Variants in RYR2 observed in about 807,000 individuals in gnomAD.
RYR2 encodes cardiac muscle ryanodine receptor-calcium release channel.
Under a neutral mutation model 601.1 loss-of-function variants are expected in RYR2, and 227 were observed. The ratio of observed to expected loss-of-function variants is 0.38; its 90% CI spans 0.34 to 0.42. The LOEUF (loss-of-function observed/expected upper bound fraction) is 0.42. Ranked by LOEUF, RYR2 falls within the 10% of genes least tolerant of loss-of-function variation. RYR2 has a pLI of 1.00. For synonymous variants in RYR2, 2,223 were observed against 2,175.1 expected (o/e 1.02, Z -0.61); for missense variants, 4,646 against 6,156.5 (o/e 0.75, Z 8.21).
At position 237,252,907 on chromosome 1, in the gene RYR2, G is replaced by A. The variant is rs1240664891; in HGVS notation, c.49-17590G>A. ...TGGTTGGGCACAGTGGCTCATGCCT[G>A]TAATCCTAGCACTTTGGGAGGCCAA... On this transcript the variant is annotated intron_variant, in intron 1 of 104. Transcript: ENST00000366574. 2.0e-5 allele frequency among the ~76,000 whole-genome samples: 3 copies of A among 152,254 alleles called. No homozygotes were observed. The South Asian group carries it at 6.2e-4, about 32-fold the overall frequency.
chr1:237,592,802 C>A (rs1312397747), intron 32 of RYR2, among the ~76,000 whole-genome samples: 1 of 151,680 alleles, frequency 6.6e-6, no homozygotes, highest in East Asian at 1.9e-4. Context: ...AGGTGGATCA[C>A]CTGAGGTCAG....
At chr1:237,591,877 T>C (rs1199069949) in intron 32 of RYR2, 24 bp downstream of exon 32, 5 of 1,548,508 alleles carry the variant, frequency 3.2e-6, no homozygotes, top group Non-Finnish European at 3.5e-6. Flanking sequence ...GCTTTTGTCG[T>C]TTATTTCTAT....
At chr1:237,181,501 C>A (rs1678752677) in intron 1 of RYR2, among the ~76,000 whole-genome samples, 1 of 152,078 alleles carries the variant, frequency 6.6e-6, no homozygotes, top group Non-Finnish European at 1.5e-5. Context: ...AAGAGACAGA[C>A]CAGCAGATGT....
intron 58 of RYR2, among the ~76,000 whole-genome samples, chr1:237,669,632 G>A (rs1409618491): frequency 1.3e-5 from 2 of 151,840 alleles, no homozygotes; most frequent in African/African-American, 2.4e-5. Flanking sequence ...GGGCAGAGAC[G>A]CTCCTCACAT....
At chr1:237,797,983 G>A in intron 96 of RYR2, 54 bp from the exon 97 acceptor site, 1 of 1,497,484 alleles carries the variant, frequency 6.7e-7, no homozygotes, top group Non-Finnish European at 9.1e-7. Flanking sequence ...CACACATATA[G>A]ATGATGTTAC....
At chr1:237,631,612 GATTTTTTTTTTTT>G in intron 42 of RYR2, 71 bp downstream of exon 42, 4 of 198,916 alleles carry the variant, frequency 2.0e-5, no homozygotes, top group African/African-American at 6.5e-5. Context: ...ATAGAATGCA[GATTTTTTTTTTTT>G]TTTTTTTTTT....
At chr1:237,201,770 T>C (rs1681219623) in intron 1 of RYR2, among the ~76,000 whole-genome samples, 1 of 152,202 alleles carries the variant, frequency 6.6e-6, no homozygotes, top group African/African-American at 2.4e-5. Context: ...ACTCTGGCAT[T>C]GGACTCTTGT....
intron 59 of RYR2, 51 bp downstream of exon 59, chr1:237,674,270 T>C (rs1685205296): frequency 7.2e-7 from 1 of 1,387,260 alleles, no homozygotes; most frequent in Non-Finnish European, 1.0e-6. Context: ...GAGTGAATAT[T>C]TAAATATCTC....
At chr1:237,459,057 T>C (rs1659170783) in intron 16 of RYR2, among the ~76,000 whole-genome samples, 1 of 152,212 alleles carries the variant, frequency 6.6e-6, no homozygotes, top group African/African-American at 2.4e-5. Context: ...ACAGTAACGA[T>C]TGAGATAAAG....
intron 2 of RYR2, among the ~76,000 whole-genome samples, chr1:237,295,074 G>A (rs1692620108): frequency 6.6e-6 from 1 of 151,988 alleles, no homozygotes; most frequent in Non-Finnish European, 1.5e-5. Flanking sequence ...AAATTAGCCG[G>A]GCGTGGCAGT....
chr1:237,528,574 T>A lies in RYR2; in HGVS notation c.2823-1853T>A, dbSNP rs376628435. Among the ~76,000 whole-genome samples, 24 of 152,316 alleles carry A rather than the reference T, an allele frequency of 1.6e-4. No individual in the cohort carries two copies. The East Asian group carries it at 3.1e-3, about 20-fold the overall frequency. On this transcript the variant is annotated intron_variant, in intron 24 of 104. Transcript: ENST00000366574. ...TCCGTGTGAGTTGAATTCATACTTTTCTAGGTAGTTTGCATTGGGAAGAAG... is the reference window on the plus strand; with the variant it reads ...TCCGTGTGAGTTGAATTCATACTTTACTAGGTAGTTTGCATTGGGAAGAAG...
intron 100 of RYR2, 65 bp from the exon 101 acceptor site, chr1:237,818,971 G>A: frequency 4.9e-6 from 7 of 1,436,010 alleles, no homozygotes; most frequent in Non-Finnish European, 6.7e-6. Flanking sequence ...GAGATAACTC[G>A]GGTTTGTCGA....
chr1:237,527,866 A>G (rs1302537942), intron 24 of RYR2, among the ~76,000 whole-genome samples: 1 of 152,250 alleles, frequency 6.6e-6, no homozygotes, highest in African/African-American at 2.4e-5. Flanking sequence ...TAAACAATGT[A>G]TAAGTTTTAG....
intron 2 of RYR2, among the ~76,000 whole-genome samples, chr1:237,295,756 G>C (rs779851670): frequency 6.6e-6 from 1 of 152,110 alleles, no homozygotes; most frequent in Non-Finnish European, 1.5e-5. Flanking sequence ...AAAAAATATT[G>C]CCATAAAATT....
chr1:237,149,325 A>AAAAACG (rs1674440382), intron 1 of RYR2, among the ~76,000 whole-genome samples: 1 of 151,472 alleles, frequency 6.6e-6, no homozygotes, highest in South Asian at 2.1e-4. Context: ...AAACAAAAAC[A>AAAAACG]AAAAACCAAA....
At chr1:237,173,430 G>C (rs1677644795) in intron 1 of RYR2, among the ~76,000 whole-genome samples, 1 of 152,208 alleles carries the variant, frequency 6.6e-6, no homozygotes, top group Non-Finnish European at 1.5e-5. Flanking sequence ...TCACTGGGTT[G>C]TGGAGAGAAT....
intron 1 of RYR2, among the ~76,000 whole-genome samples, chr1:237,110,848 C>A (rs1314126363): frequency 6.6e-6 from 1 of 152,214 alleles, no homozygotes; most frequent in Non-Finnish European, 1.5e-5. Flanking sequence ...TTGCATATTT[C>A]TGGGGGACCA....
At chr1:237,531,812 C>T (rs1668163925) in intron 25 of RYR2, among the ~76,000 whole-genome samples, 1 of 152,238 alleles carries the variant, frequency 6.6e-6, no homozygotes, top group South Asian at 2.1e-4. Context: ...TTCAAAATGA[C>T]ACTTTTTCAT....
chr1:237,266,209 C>T (rs778767527), intron 1 of RYR2, among the ~76,000 whole-genome samples: 1 of 152,040 alleles, frequency 6.6e-6, no homozygotes, highest in Non-Finnish European at 1.5e-5. Context: ...TCGGAAGAGG[C>T]CTTATGACCC....
Sources: gnomAD v4.1 joint callset for allele counts (sites outside exome capture counted in the v4.1 genomes callset) on GRCh38, gnomAD v4.1.1 for gene constraint, MANE v1.5 for transcripts, NCBI Gene and HGNC (gene_info 2026-07-23, HGNC 2026-07-21) for gene names.